Variants in GLYR1 observed in about 807,000 individuals in gnomAD.
GLYR1 encodes cytokine-like nuclear factor N-PAC.
Under a neutral mutation model 72.7 loss-of-function variants are expected in GLYR1, and 21 were observed. The ratio of observed to expected loss-of-function variants is 0.29; its 90% confidence interval spans 0.20 to 0.42. The LOEUF (loss-of-function observed/expected upper bound fraction) is 0.42, where lower values mean the gene tolerates loss of function less well. Among genes scored for constraint, GLYR1 ranks in the 10% least tolerant of loss-of-function variants. The pLI, the probability that GLYR1 is intolerant of heterozygous loss-of-function variation, is 1.00. For synonymous variants in GLYR1, 392 were observed against 270.2 expected (o/e 1.45, Z -4.42); for missense variants, 594 against 712.1 (o/e 0.83, Z 1.89).
chr16:4,811,408 C>T, intron 14 of GLYR1, 114 bp from the exon 15 acceptor site: 1 of 1,451,722 alleles, frequency 6.9e-7, no homozygotes, highest in Non-Finnish European at 9.4e-7. Flanking sequence ...TCCACATAGC[C>T]TAGGCCTCTT....
At chr16:4,819,205 G>A (rs1467382971) in intron 9 of GLYR1, among the ~76,000 whole-genome samples, 19 of 151,984 alleles carry the variant, frequency 1.3e-4, no homozygotes, top group Admixed American at 1.2e-3. Context: ...AGATGGGGGG[G>A]TCTTGCTATG....
At chr16:4,821,157 G>C in intron 9 of GLYR1, 2 of 588,524 alleles carry the variant, frequency 3.4e-6, no homozygotes, top group South Asian at 4.2e-5. Context: ...GAGTTCTGGA[G>C]CCAAAAAAAT....
intron 2 of GLYR1, among the ~76,000 whole-genome samples, chr16:4,845,541 A>C (rs1172633682): frequency 6.6e-6 from 1 of 151,706 alleles, no homozygotes; most frequent in African/African-American, 2.4e-5. Context: ...GAAAAAATGC[A>C]GACGACACTC....
At chr16:4,826,832 G>A (rs2084411249) in intron 5 of GLYR1, among the ~76,000 whole-genome samples, 1 of 152,210 alleles carries the variant, frequency 6.6e-6, no homozygotes, top group South Asian at 2.1e-4. Flanking sequence ...CAGCACAGCT[G>A]TCTTGGGTGG....
In GLYR1 at chr16:4,832,901, T is replaced by A. The variant is rs1260237966; in HGVS notation, c.167A>T (p.Lys56Ile). The change falls in exon 4 of 16, where the codon AAA (lysine) becomes ATA (isoleucine). Residue 56 changes from lysine to isoleucine, a missense_variant. Physicochemically the swap from Lys to Ile is moderately radical, Grantham distance 102 (BLOSUM62 -3). Coordinates refer to ENST00000321919, the MANE Select transcript of GLYR1 (RefSeq NM_032569.4). The part of the protein sequence containing the change: ...FFGTEDHAWI[K>I]VEQLKPYHAH... The stretch of plus-strand genomic sequence containing the variant: ...ATGATATGGCTTCAGCTGTTCCACT[T>A]TGATCCAGGCACTAGCAGAAAACAA... The A allele has an allele frequency of 6.2e-7, 1 of 1,611,556 alleles. No homozygotes were observed.
chr16:4,810,227 T>C (rs1225635137), intron 15 of GLYR1, among the ~76,000 whole-genome samples: 1 of 151,634 alleles, frequency 6.6e-6, no homozygotes, highest in African/African-American at 2.4e-5. Flanking sequence ...CCAGACACAG[T>C]GGCTCACACC....
At chr16:4,846,988 C>T in intron 1 of GLYR1, 2 of 547,338 alleles carry the variant, frequency 3.7e-6, no homozygotes, top group East Asian at 3.4e-5. Flanking sequence ...CGAGTGCAGA[C>T]CCCACCCGGC....
intron 5 of GLYR1, among the ~76,000 whole-genome samples, chr16:4,826,614 CAG>C (rs1401269689): frequency 6.6e-6 from 1 of 152,158 alleles, no homozygotes; most frequent in Non-Finnish European, 1.5e-5. Flanking sequence ...TTGTTGAATG[CAG>C]AGGTTTTTGG....
At chr16:4,830,171 C>G (rs944289651) in intron 5 of GLYR1, among the ~76,000 whole-genome samples, 2 of 151,686 alleles carry the variant, frequency 1.3e-5, no homozygotes, top group Admixed American at 6.6e-5. Flanking sequence ...CCTCAGCCTC[C>G]GAAAATGCTG....
At chr16:4,818,002 C>T (rs28714672) in intron 9 of GLYR1, 12 of 219,898 alleles carry the variant, frequency 5.5e-5, no homozygotes, top group Non-Finnish European at 8.1e-5. Context: ...CCTTGCTGCC[C>T]TTTTTTTTTT....
chr16:4,843,349 T>C, intron 3 of GLYR1: 1 of 475,992 alleles, frequency 2.1e-6, no homozygotes, highest in Non-Finnish European at 3.0e-6. Context: ...GAGACGGGGT[T>C]TTGCCATGTT....
chr16:4,818,002 CTT>C (rs61285093), intron 9 of GLYR1: 1,017 of 218,584 alleles, frequency 4.7e-3, no homozygotes, highest in Middle Eastern at 0.012. Flanking sequence ...CCTTGCTGCC[CTT>C]TTTTTTTTTT....
intron 10 of GLYR1, among the ~76,000 whole-genome samples, chr16:4,815,912 G>C: frequency 6.6e-6 from 1 of 151,886 alleles, no homozygotes; most frequent in Non-Finnish European, 1.5e-5. Flanking sequence ...CTCCCGAGTA[G>C]CTGGGACTAC....
At chr16:4,811,865 A>G in intron 13 of GLYR1, 63 bp from the exon 14 acceptor site, 1 of 1,543,288 alleles carries the variant, frequency 6.5e-7, no homozygotes, top group East Asian at 2.3e-5. Flanking sequence ...TTCTCTGTCC[A>G]CCCTCACCTC....
chr16:4,823,721 G>T, intron 6 of GLYR1, 100 bp downstream of exon 6: 1 of 876,208 alleles, frequency 1.1e-6, no homozygotes, highest in Non-Finnish European at 1.8e-6. Context: ...AATAAATTAA[G>T]CCTCACACAC....
chr16:4,814,726 C>T (rs2083524714), intron 10 of GLYR1, 79 bp from the exon 11 acceptor site: 1 of 1,167,322 alleles, frequency 8.6e-7, no homozygotes, highest in Non-Finnish European at 1.3e-6. Context: ...AATTGCTGAC[C>T]AGGCCTCCTG....
intron 3 of GLYR1, among the ~76,000 whole-genome samples, chr16:4,842,796 T>A (rs1040234246): frequency 6.6e-6 from 1 of 152,136 alleles, no homozygotes; most frequent in African/African-American, 2.4e-5. Context: ...GCATCCCAGG[T>A]TCAACCAATT....
At position 4,828,027 on chromosome 16, in the gene GLYR1, T is replaced by C. The variant is rs1032891360; in HGVS notation, c.537+3952A>G. On this transcript the variant is annotated intron_variant, in intron 5 of 15. Transcript: ENST00000321919. ...TGTTCACTTTGTGTCTCTGTCAGCATTTTTTTTTTTAAGCAATGAAGTATT... is the reference window on the plus strand; with the variant it reads ...TGTTCACTTTGTGTCTCTGTCAGCACTTTTTTTTTTAAGCAATGAAGTATT... Among the ~76,000 whole-genome samples the C allele has an allele frequency of 5.4e-5, 8 of 147,892 alleles. No individual in the cohort carries two copies. The East Asian group carries it at 5.9e-4, about 11-fold the overall frequency.
At chr16:4,832,328 C>T in intron 4 of GLYR1, 107 bp from the exon 5 acceptor site, 1 of 1,323,028 alleles carries the variant, frequency 7.6e-7, no homozygotes, top group Non-Finnish European at 1.0e-6. Context: ...GTGTGGTCTC[C>T]TCACAATGAC....
Sources: gnomAD v4.1 joint callset for allele counts (sites outside exome capture counted in the v4.1 genomes callset) on GRCh38, gnomAD v4.1.1 for gene constraint, MANE v1.5 for transcripts, NCBI Gene and HGNC (gene_info 2026-07-23, HGNC 2026-07-21) for gene names.